GOSR1: variants seen among roughly 807,000 people sequenced by gnomAD.
The protein encoded by GOSR1 is golgi SNAP receptor complex member 1.
A neutral mutation model predicts 35.5 loss-of-function variants in GOSR1; 21 were observed. The observed-to-expected ratio is 0.59, with a 90% confidence interval of 0.42 to 0.85. The LOEUF is 0.85. Among genes scored for constraint, GOSR1 ranks in the 40% least tolerant of loss-of-function variants. GOSR1 has a pLI of 0.00. For missense variants in GOSR1, 285 were observed against 309.6 expected (o/e 0.92, Z 0.60); for synonymous variants, 94 against 106.6 (o/e 0.88, Z 0.73).
chr17:30,512,886 C>T (rs2143866310), intron 7 of GOSR1, among the ~76,000 whole-genome samples: 1 of 152,224 alleles, frequency 6.6e-6, no homozygotes, highest in South Asian at 2.1e-4. Flanking sequence ...AGTATAAAAA[C>T]TTGGGGTACC....
intron 6 of GOSR1, among the ~76,000 whole-genome samples, chr17:30,500,982 G>A (rs1488848727): frequency 6.6e-6 from 1 of 150,610 alleles, no homozygotes; most frequent in Non-Finnish European, 1.5e-5. Context: ...CCGGGTTCAC[G>A]CCATTCTCCT....
chr17:30,520,580 A>T (rs1253751319), intron 8 of GOSR1: 1 of 152,194 alleles, frequency 6.6e-6, no homozygotes, highest in East Asian at 1.9e-4. Flanking sequence ...TAGGATTATT[A>T]ATACTTCCCA....
Position 30,499,490 on chromosome 17 carries a change from T to C in GOSR1, c.509+6737T>C, listed in dbSNP as rs191390580. 1.5e-3 allele frequency among the ~76,000 whole-genome samples: 222 copies of C among 152,228 alleles called. 2 individuals carry two copies. The highest frequency in any genetic ancestry group is 4.1e-3 in the African/African-American group (171 of 41,550). On this transcript the variant is annotated intron_variant, in intron 6 of 8. Coordinates refer to ENST00000451249, the MANE Select transcript of GOSR1 (RefSeq NM_001007025.2). ...CCAAGTAGCTGGAACTACAGGCGCA[T>C]GCCACCACGCCCAGCTAATTTTTTG...
chr17:30,518,974 TAACTC>T (rs2143918740), intron 7 of GOSR1, among the ~76,000 whole-genome samples: 1 of 150,940 alleles, frequency 6.6e-6, no homozygotes, highest in African/African-American at 2.4e-5. Flanking sequence ...AAAAGGATAT[TAACTC>T]AAGAGATCTT....
chr17:30,493,835 AAATTATGTAACCATTTCCCT>A (rs1966892492), intron 6 of GOSR1, among the ~76,000 whole-genome samples: 1 of 152,174 alleles, frequency 6.6e-6, no homozygotes, highest in African/African-American at 2.4e-5. Flanking sequence ...GATAAACCAT[AAATTATGTAACCATTTCCCT>A]AATGTTGGCC....
chr17:30,484,306 G>A lies in GOSR1; in HGVS notation c.234+5G>A. 6.5e-7 allele frequency: 1 copy of A among 1,545,832 alleles called. No homozygotes were observed. The highest frequency in any genetic ancestry group is 1.1e-5 in the South Asian group (1 of 89,658). ...ATTGAACAACTTTTGGCAAGGGTAAGTGCTTTCTGTTAAATGGCTATTTTG... is the reference window on the plus strand; with the variant it reads ...ATTGAACAACTTTTGGCAAGGGTAAATGCTTTCTGTTAAATGGCTATTTTG... On this transcript the variant is annotated splice_donor_5th_base_variant and intron_variant, in intron 3 of 8. Coordinates refer to ENST00000451249, the MANE Select transcript of GOSR1 (RefSeq NM_001007025.2).
At chr17:30,481,401 T>A in intron 2 of GOSR1, 144 bp downstream of exon 2, 1 of 515,284 alleles carries the variant, frequency 1.9e-6, no homozygotes, top group Non-Finnish European at 3.5e-6. Context: ...TTTTATTTTT[T>A]AGTGACTTAT....
intron 6 of GOSR1, among the ~76,000 whole-genome samples, chr17:30,508,491 A>G (rs1370088439): frequency 2.0e-5 from 3 of 152,182 alleles, no homozygotes; most frequent in Non-Finnish European, 2.9e-5. Context: ...ACTTCACCAG[A>G]TGCCTTTTGG....
intron 6 of GOSR1, among the ~76,000 whole-genome samples, chr17:30,502,451 ATATTTC>A (rs1967245175): frequency 6.6e-6 from 1 of 152,218 alleles, no homozygotes. Context: ...TTTCTACTGA[ATATTTC>A]TATATGTCTA....
chr17:30,477,968 TTA>T, intron 1 of GOSR1: 1 of 975,644 alleles, frequency 1.0e-6, no homozygotes. Flanking sequence ...AGAATGTCTC[TTA>T]TTGGGTCTCC....
chr17:30,514,665 TTATC>T (rs2143880156), intron 7 of GOSR1, among the ~76,000 whole-genome samples: 1 of 152,348 alleles, frequency 6.6e-6, no homozygotes, highest in African/African-American at 2.4e-5. Flanking sequence ...TTCTTGGAAA[TTATC>T]TTAACGTTCT....
intron 2 of GOSR1, among the ~76,000 whole-genome samples, chr17:30,482,536 T>C (rs1914425304): frequency 6.6e-6 from 1 of 152,166 alleles, no homozygotes; most frequent in Non-Finnish European, 1.5e-5. Flanking sequence ...TTTCAAAGAT[T>C]AGAAGTGAGT....
intron 6 of GOSR1, among the ~76,000 whole-genome samples, chr17:30,503,336 A>T (rs2143796162): frequency 6.6e-6 from 1 of 152,338 alleles, no homozygotes; most frequent in South Asian, 2.1e-4. Flanking sequence ...TCAGCACGAT[A>T]ACTGGTGATG....
In GOSR1 at chr17:30,481,268, T is replaced by C; in HGVS notation, c.146+11T>C. 1.3e-6 allele frequency: 2 copies of C among 1,594,042 alleles called. No individual in the cohort carries two copies. Among genetic ancestry groups the C allele is most frequent in the Non-Finnish European group, 1.7e-6 (2 of 1,163,008 alleles). ...TGGAAGACGCGACAGGTATAGGTAC[T>C]ACCAGATTCTGTCTCCTATGCCTTA... On this transcript the variant is annotated intron_variant, in intron 2 of 8. Coordinates refer to ENST00000451249, the MANE Select transcript of GOSR1 (RefSeq NM_001007025.2).
At chr17:30,482,566 A>T (rs1914426199) in intron 2 of GOSR1, among the ~76,000 whole-genome samples, 1 of 152,216 alleles carries the variant, frequency 6.6e-6, no homozygotes, top group African/African-American at 2.4e-5. Context: ...GTCAGCTAAT[A>T]AAAACAATGA....
intron 6 of GOSR1, among the ~76,000 whole-genome samples, chr17:30,504,943 G>T (rs1306349657): frequency 6.6e-6 from 1 of 152,242 alleles, no homozygotes. Context: ...TAGTGGAAAT[G>T]ATAAAGTGTA....
At chr17:30,516,414 G>A (rs1967812853) in intron 7 of GOSR1, among the ~76,000 whole-genome samples, 1 of 149,408 alleles carries the variant, frequency 6.7e-6, no homozygotes, top group South Asian at 2.1e-4. Flanking sequence ...AGGTTGCAGT[G>A]AGCCAAGATC....
chr17:30,511,307 T>C (rs1967605565), intron 7 of GOSR1, among the ~76,000 whole-genome samples: 1 of 152,250 alleles, frequency 6.6e-6, no homozygotes, highest in Admixed American at 6.5e-5. Context: ...TAATAGTTCA[T>C]AGTATCTGTA....
At chr17:30,489,239 CTGGA>C (rs1238040268) in intron 4 of GOSR1, among the ~76,000 whole-genome samples, 3 of 152,032 alleles carry the variant, frequency 2.0e-5, no homozygotes, top group African/African-American at 7.2e-5. Context: ...CAAAAATTAG[CTGGA>C]TGTAGTGGCA....
Sources: gnomAD v4.1 joint callset for allele counts (sites outside exome capture counted in the v4.1 genomes callset) on GRCh38, gnomAD v4.1.1 for gene constraint, MANE v1.5 for transcripts, NCBI Gene and HGNC (gene_info 2026-07-23, HGNC 2026-07-21) for gene names.